The following PDE1A variants were observed in gnomAD, a reference collection of about 807,000 sequenced individuals.
The protein encoded by PDE1A is phosphodiesterase 1A, also known as dual specificity calcium/calmodulin-dependent 3',5'-cyclic nucleotide phosphodiesterase 1A.
Under a neutral mutation model 61.7 loss-of-function variants are expected in PDE1A, and 35 were observed. The observed-to-expected ratio is 0.57, with a 90% CI of 0.43 to 0.75. The LOEUF (loss-of-function observed/expected upper bound fraction) is 0.75. Among genes scored for constraint, PDE1A ranks in the 30% least tolerant of loss-of-function variants. The pLI, the probability that PDE1A is intolerant of heterozygous loss-of-function variation, is 0.00. For synonymous variants in PDE1A, 232 were observed against 213.2 expected (o/e 1.09, Z -0.77); for missense variants, 597 against 630.6 (o/e 0.95, Z 0.57).
the PDE1A span, among the ~76,000 whole-genome samples, chr2:182,692,672 A>AT: frequency 6.8e-6 from 1 of 147,790 alleles, no homozygotes; most frequent in African/African-American, 2.5e-5. Flanking sequence ...GTATAATAAA[A>AT]ATATATATAT....
chr2:182,515,671 C>G (rs951262550), intron 2 of PDE1A, among the ~76,000 whole-genome samples: 1 of 152,178 alleles, frequency 6.6e-6, no homozygotes, highest in Non-Finnish European at 1.5e-5. Flanking sequence ...TTTTTAATAA[C>G]TGATTTGCCT....
Position 182,226,834 on chromosome 2 carries a change from C to T in PDE1A, c.676-2870G>A, listed in dbSNP as rs145583060. Among the ~76,000 whole-genome samples the T allele has an allele frequency of 3.4e-3, 473 of 139,432 alleles. 7 individuals are homozygous for T. Among genetic ancestry groups the T allele is most frequent in the Non-Finnish European group, 4.2e-3 (284 of 67,782 alleles). 91.5% of individuals were successfully genotyped at this position (139,432 alleles called of 152,430 possible). A position where few individuals can be genotyped will look rare whatever the true frequency, so the allele number is the denominator to read the frequency against. On this transcript the variant is annotated intron_variant, in intron 6 of 13. Coordinates refer to ENST00000351439, the Ensembl canonical transcript of PDE1A. ...ATGCTCAGGTTGGCTTACTCTAGAG[C>T]GGGCAGTCATCAACTTATAAGGAGG...
In PDE1A at chr2:182,345,258, A is replaced by T. The variant is rs182739740; in HGVS notation, c.54-80844T>A. 2.5e-3 allele frequency among the ~76,000 whole-genome samples: 383 copies of T among 152,288 alleles called. 3 individuals are homozygous for T. The highest frequency in any genetic ancestry group is 8.6e-3 in the African/African-American group (359 of 41,562). On this transcript the variant is annotated intron_variant, in intron 1 of 13. Coordinates refer to ENST00000351439, the Ensembl canonical transcript of PDE1A. ...CCCAGGGTTTCACCCTCCATTTCTGATGTCCCCATCTTGGTGAACGGTGGC... is the reference window on the plus strand; with the variant it reads ...CCCAGGGTTTCACCCTCCATTTCTGTTGTCCCCATCTTGGTGAACGGTGGC...
At chr2:182,289,142 C>T (rs1694359514) in intron 1 of PDE1A, among the ~76,000 whole-genome samples, 2 of 152,050 alleles carry the variant, frequency 1.3e-5, no homozygotes, top group African/African-American at 4.8e-5. Flanking sequence ...CATTACAACA[C>T]CAATATTTAC....
chr2:182,428,260 T>A (rs976673417), upstream of PDE1A, among the ~76,000 whole-genome samples: 5 of 152,158 alleles, frequency 3.3e-5, no homozygotes, highest in South Asian at 8.3e-4. Flanking sequence ...AATGAAATTA[T>A]AATATTAATT....
the PDE1A span, among the ~76,000 whole-genome samples, chr2:182,699,620 A>C: frequency 6.6e-6 from 1 of 152,184 alleles, no homozygotes; most frequent in African/African-American, 2.4e-5. Flanking sequence ...ATTTTAGATG[A>C]CAGTTACAGG....
chr2:182,628,277 G>A, the PDE1A span, among the ~76,000 whole-genome samples: 1 of 152,138 alleles, frequency 6.6e-6, no homozygotes, highest in Admixed American at 6.5e-5. Flanking sequence ...ACTTCCAGCA[G>A]GAAAACTAGA....
the PDE1A span, among the ~76,000 whole-genome samples, chr2:182,563,685 G>A: frequency 6.6e-6 from 1 of 152,140 alleles, no homozygotes; most frequent in Non-Finnish European, 1.5e-5. Context: ...TATTGTGTGG[G>A]AGTCTAAGTC....
intron 1 of PDE1A, among the ~76,000 whole-genome samples, chr2:182,415,531 T>C (rs888906427): frequency 6.6e-6 from 1 of 152,168 alleles, no homozygotes; most frequent in African/African-American, 2.4e-5. Context: ...GATCTACATC[T>C]TTCTGCTGTC....
At chr2:182,146,110 C>A (rs1336933707), downstream of PDE1A, among the ~76,000 whole-genome samples, 1 of 152,198 alleles carries the variant, frequency 6.6e-6, no homozygotes, top group Non-Finnish European at 1.5e-5. Flanking sequence ...ACACATCCCT[C>A]CTTTCTAACT....
chr2:182,404,729 ACTGT>A (rs1424961878), intron 1 of PDE1A, among the ~76,000 whole-genome samples: 1 of 152,154 alleles, frequency 6.6e-6, no homozygotes, highest in African/African-American at 2.4e-5. Flanking sequence ...GGATAATATC[ACTGT>A]CTTCCTCCTC....
the PDE1A span, among the ~76,000 whole-genome samples, chr2:182,630,070 C>T: frequency 6.6e-6 from 1 of 152,122 alleles, no homozygotes; most frequent in African/African-American, 2.4e-5. Context: ...ATCTCCTCAT[C>T]ATTTGTAAGA....
chr2:182,402,093 A>C (rs998719224), intron 1 of PDE1A, among the ~76,000 whole-genome samples: 4 of 152,250 alleles, frequency 2.6e-5, no homozygotes. Context: ...AAATAGCCAT[A>C]CTGCCCAAAG....
chr2:182,515,345 T>C (rs559872705), intron 2 of PDE1A, among the ~76,000 whole-genome samples: 1 of 152,326 alleles, frequency 6.6e-6, no homozygotes, highest in East Asian at 1.9e-4. Flanking sequence ...AGTATATTTA[T>C]TGAATGAGTA....
intron 1 of PDE1A, among the ~76,000 whole-genome samples, chr2:182,408,938 G>A (rs1702457024): frequency 1.3e-5 from 2 of 152,214 alleles, no homozygotes; most frequent in East Asian, 1.9e-4. Context: ...GTATGGTGAA[G>A]TGATTTGTTC....
intron 1 of PDE1A, among the ~76,000 whole-genome samples, chr2:182,347,511 T>TAACATACTTTCTTTGCCTCTGGTACA (rs759246417): frequency 1.3e-5 from 2 of 152,164 alleles, no homozygotes; most frequent in Non-Finnish European, 2.9e-5. Flanking sequence ...TCTCCTTTAA[T>TAACATACTTTCTTTGCCTCTGGTACA]AACATACTTT....
At chr2:182,155,449 A>G (rs1244189394) in intron 13 of PDE1A, among the ~76,000 whole-genome samples, 2 of 152,172 alleles carry the variant, frequency 1.3e-5, no homozygotes, top group Non-Finnish European at 2.9e-5. Context: ...CCACATTTAT[A>G]TTTTAAATTC....
chr2:182,700,721 C>CAAAAAAAAAGAAAAAA, the PDE1A span, among the ~76,000 whole-genome samples: 1 of 24,004 alleles, frequency 4.2e-5, no homozygotes, highest in South Asian at 3.0e-3. Context: ...GACTCCATCT[C>CAAAAAAAAAGAAAAAA]AAAAAAAAAA....
At position 182,208,329 on chromosome 2, in the gene PDE1A, G is replaced by A. The variant is rs147990130; in HGVS notation, c.777-2264C>T. On this transcript the variant is annotated intron_variant, in intron 7 of 13. Transcript: ENST00000351439. ...TGATGGAAGGCAAAGGGGGAAGCAA[G>A]GCACATCTTAAATGGCAGCAGGAGA... Among the ~76,000 whole-genome samples, 322 of 152,296 alleles carry A rather than the reference G, an allele frequency of 2.1e-3. 1 individual carries two copies. The highest frequency in any genetic ancestry group is 7.1e-3 in the African/African-American group (296 of 41,554).
Sources: allele counts gnomAD v4.1 joint callset (sites outside exome capture counted in the v4.1 genomes callset), GRCh38; gene constraint gnomAD v4.1.1; transcripts MANE v1.5; gene names NCBI Gene and HGNC (gene_info 2026-07-23, HGNC 2026-07-21).